RAD51B: variants seen among roughly 807,000 people sequenced by gnomAD.
The protein encoded by RAD51B is DNA repair protein RAD51 homolog 2.
In RAD51B, 38 loss-of-function variants were observed where a neutral mutation model predicts 42.2. The ratio of observed to expected loss-of-function variants is 0.90; its 90% CI spans 0.70 to 1.18. The LOEUF (loss-of-function observed/expected upper bound fraction) is 1.18. RAD51B is among the 50% of genes most tolerant of loss of function. The probability of loss-of-function intolerance (pLI) is 0.00; values close to 1 mark genes in which losing one functional copy is unlikely to be tolerated. For missense variants in RAD51B, 373 were observed against 400.7 expected (o/e 0.93, Z 0.59); for synonymous variants, 154 against 145.2 (o/e 1.06, Z -0.43).
At chr14:68,604,604 T>G (rs1291998904) in intron 10 of RAD51B, among the ~76,000 whole-genome samples, 1 of 152,176 alleles carries the variant, frequency 6.6e-6, no homozygotes, top group Non-Finnish European at 1.5e-5. Context: ...CATTAACAGC[T>G]GTGACCGCAG....
At chr14:68,175,458 C>CA (rs1346240892) in intron 7 of RAD51B, among the ~76,000 whole-genome samples, 1 of 152,170 alleles carries the variant, frequency 6.6e-6, no homozygotes, top group Non-Finnish European at 1.5e-5. Flanking sequence ...TGCTACCTCA[C>CA]AAGCATAGCT....
intron 7 of RAD51B, among the ~76,000 whole-genome samples, chr14:67,896,373 A>G (rs2043418552): frequency 6.6e-6 from 1 of 152,218 alleles, no homozygotes; most frequent in Admixed American, 6.5e-5. Context: ...TGATAATTTG[A>G]CAGCTCTGTA....
chr14:68,372,625 G>C (rs2083287356), intron 8 of RAD51B, among the ~76,000 whole-genome samples: 1 of 152,162 alleles, frequency 6.6e-6, no homozygotes, highest in Non-Finnish European at 1.5e-5. Context: ...AAACAGAAAA[G>C]AGGGTCATTA....
At chr14:68,330,959 G>A (rs1407859102) in intron 8 of RAD51B, among the ~76,000 whole-genome samples, 1 of 152,048 alleles carries the variant, frequency 6.6e-6, no homozygotes, top group Non-Finnish European at 1.5e-5. Flanking sequence ...AACTTAATTG[G>A]CATAATTTTG....
At chr14:68,627,923 T>TTAAAA (rs1555432880) in intron 10 of RAD51B, among the ~76,000 whole-genome samples, 5 of 151,728 alleles carry the variant, frequency 3.3e-5, no homozygotes, top group South Asian at 2.1e-4. Context: ...TTATTTTTTT[T>TTAAAA]TAAATAAACA....
intron 7 of RAD51B, among the ~76,000 whole-genome samples, chr14:67,965,180 C>T (rs1435271827): frequency 1.3e-5 from 2 of 152,170 alleles, no homozygotes; most frequent in Non-Finnish European, 2.9e-5. Flanking sequence ...TCCCTCCCTT[C>T]CTATATCCTC....
rs745505141 is a variant in RAD51B at position 67,864,961 on chromosome 14, C to CTTTTTTTTTTTTTTTTTTTTTT, written c.316-24_316-3dup. ...TGGCTTGTGATGTTTATCTAAAAAA[C>CTTTTTTTTTTTTTTTTTTTTTT]TTTTTTTTTTTTTTTTTTTTTTTTT... is the stretch of plus-strand genomic sequence containing the variant. On this transcript the variant is annotated intron_variant, in intron 4 of 10. Transcript: ENST00000471583. 32 of 645,020 alleles carry CTTTTTTTTTTTTTTTTTTTTTT rather than the reference C, an allele frequency of 5.0e-5. 15 individuals carry two copies. Among genetic ancestry groups the CTTTTTTTTTTTTTTTTTTTTTT allele is most frequent in the African/African-American group, 3.0e-4 (8 of 26,412 alleles). 40.0% of individuals were successfully genotyped at this position (645,020 alleles called of 1,614,324 possible).
intron 7 of RAD51B, among the ~76,000 whole-genome samples, chr14:67,978,072 C>T (rs979042117): frequency 6.6e-6 from 1 of 152,006 alleles, no homozygotes; most frequent in African/African-American, 2.4e-5. Context: ...TTCCTTATAG[C>T]GATCTCAGAT....
intron 10 of RAD51B, among the ~76,000 whole-genome samples, chr14:68,586,977 C>A (rs745335627): frequency 1.8e-4 from 27 of 151,722 alleles, no homozygotes; most frequent in Non-Finnish European, 2.8e-4. Flanking sequence ...TGCAGTGAGC[C>A]GAGATCGCGC....
At chr14:67,918,889 C>T (rs775077460) in intron 7 of RAD51B, among the ~76,000 whole-genome samples, 2 of 152,186 alleles carry the variant, frequency 1.3e-5, no homozygotes, top group Non-Finnish European at 2.9e-5. Context: ...AAAAATTTAT[C>T]TCCTACACAT....
At chr14:67,995,386 A>C (rs927794026) in intron 7 of RAD51B, among the ~76,000 whole-genome samples, 15 of 146,768 alleles carry the variant, frequency 1.0e-4, no homozygotes, top group Admixed American at 1.3e-4. Flanking sequence ...TCCATCTCAA[A>C]AACAACAACA....
chr14:68,468,319 G>C (rs763522331), intron 10 of RAD51B, 69 bp downstream of exon 10: 7 of 1,454,578 alleles, frequency 4.8e-6, no homozygotes, highest in Non-Finnish European at 6.8e-6. Context: ...GTGGTAATTA[G>C]TGCTATGGTT....
intron 10 of RAD51B, among the ~76,000 whole-genome samples, chr14:68,528,465 C>T (rs768020068): frequency 3.3e-5 from 5 of 152,158 alleles, no homozygotes; most frequent in Non-Finnish European, 7.4e-5. Flanking sequence ...GGACATAAAT[C>T]ATAAAGTATA....
At chr14:67,915,001 T>C (rs1184058322) in intron 7 of RAD51B, among the ~76,000 whole-genome samples, 2 of 152,196 alleles carry the variant, frequency 1.3e-5, no homozygotes, top group Non-Finnish European at 2.9e-5. Context: ...CTACATGTTC[T>C]CACTTCTAAG....
intron 8 of RAD51B, among the ~76,000 whole-genome samples, chr14:68,327,772 TACA>T (rs2082278163): frequency 6.6e-6 from 1 of 152,146 alleles, no homozygotes; most frequent in Non-Finnish European, 1.5e-5. Context: ...AACTTATAAG[TACA>T]AAGGAATATC....
At chr14:68,532,362 G>A (rs1366565493) in intron 10 of RAD51B, among the ~76,000 whole-genome samples, 1 of 151,632 alleles carries the variant, frequency 6.6e-6, no homozygotes, top group Non-Finnish European at 1.5e-5. Flanking sequence ...AAAAGAAAAT[G>A]CAATAAATAA....
chr14:68,040,009 T>C (rs2076193661), intron 7 of RAD51B, among the ~76,000 whole-genome samples: 1 of 152,206 alleles, frequency 6.6e-6, no homozygotes, highest in Non-Finnish European at 1.5e-5. Flanking sequence ...GGAGGTAGTT[T>C]AGATTGGTTA....
intron 7 of RAD51B, among the ~76,000 whole-genome samples, chr14:68,015,032 C>T (rs1010187463): frequency 2.6e-5 from 4 of 152,056 alleles, no homozygotes; most frequent in Non-Finnish European, 4.4e-5. Context: ...GTTTTAAACC[C>T]AGCCCTCCTG....
intron 10 of RAD51B, among the ~76,000 whole-genome samples, chr14:68,570,753 A>C (rs895618063): frequency 6.6e-6 from 1 of 152,246 alleles, no homozygotes; most frequent in African/African-American, 2.4e-5. Context: ...AAGAAGCTGC[A>C]AATCTAGTAA....
Sources: gnomAD v4.1 joint callset for allele counts (sites outside exome capture counted in the v4.1 genomes callset) on GRCh38, gnomAD v4.1.1 for gene constraint, MANE v1.5 for transcripts, NCBI Gene and HGNC (gene_info 2026-07-23, HGNC 2026-07-21) for gene names.